The following CACNA1C variants were observed in gnomAD, a reference collection of about 807,000 sequenced individuals.
CACNA1C encodes the protein calcium voltage-gated channel subunit alpha1 C.
Under a neutral mutation model 229.0 loss-of-function variants are expected in CACNA1C, and 30 were observed. That is an observed-to-expected ratio of 0.13 (90% CI 0.10 to 0.18). The LOEUF (loss-of-function observed/expected upper bound fraction) is 0.18, where lower values mean the gene tolerates loss of function less well. CACNA1C is among the 10% of genes least tolerant of loss of function. CACNA1C has a pLI of 1.00. For missense variants in CACNA1C, 1,658 were observed against 2,845.0 expected, an observed-to-expected ratio of 0.58 and a Z score of 9.49; for synonymous variants, 1,114 against 1,132.5, an observed-to-expected ratio of 0.98 and a Z score of 0.33.
chr12:2,690,802 C>A, intron 46 of CACNA1C, 98 bp from the exon 47 acceptor site: 1 of 1,225,276 alleles, frequency 8.2e-7, no homozygotes, highest in Non-Finnish European at 1.1e-6. Flanking sequence ...CCCCAAGTGA[C>A]CTACCAGATA....
At chr12:2,223,711 T>G (rs879456776) in intron 3 of CACNA1C, among the ~76,000 whole-genome samples, 2 of 152,348 alleles carry the variant, frequency 1.3e-5, no homozygotes, top group Middle Eastern at 6.8e-3. Flanking sequence ...TAGAGTTGTT[T>G]TGCCAGTGCT....
intron 1 of CACNA1C, among the ~76,000 whole-genome samples, chr12:2,037,334 G>T (rs1232723961): frequency 6.6e-6 from 1 of 152,242 alleles, no homozygotes; most frequent in Non-Finnish European, 1.5e-5. Flanking sequence ...GTAAATGTGA[G>T]ATTGTAGGAT....
intron 1 of CACNA1C, among the ~76,000 whole-genome samples, chr12:2,027,380 A>C (rs1366812729): frequency 5.9e-5 from 9 of 152,104 alleles, no homozygotes; most frequent in Admixed American, 5.9e-4. Context: ...CCATTTGTTA[A>C]GCTCCTTTGC....
chr12:2,465,882 G>A (rs2099547229), intron 5 of CACNA1C, among the ~76,000 whole-genome samples: 1 of 152,048 alleles, frequency 6.6e-6, no homozygotes, highest in African/African-American at 2.4e-5. Context: ...CCAGGTCTGG[G>A]CCATCCTGCT....
In CACNA1C at chr12:2,319,628, G is replaced by A. The variant is rs1197676312; in HGVS notation, c.478-129348G>A. Among the ~76,000 whole-genome samples, 1 of 152,150 alleles carries A rather than the reference G, an allele frequency of 6.6e-6. No homozygotes were observed. Among genetic ancestry groups the A allele is most frequent in the Non-Finnish European group, 1.5e-5 (1 of 68,026 alleles). ...CTGGAGGTCTCCACACACCCTCCGG[G>A]CAGACCTCATCTTCTTCAGACATTT... On this transcript the variant is annotated intron_variant, in intron 3 of 46. Transcript: ENST00000399655. This position sits in a 1 kb window ranked among gnomAD's most constrained non-coding sequence, Gnocchi z 4.0.
At position 2,602,816 on chromosome 12, in the gene CACNA1C, T is replaced by C. The variant is rs1303643795; in HGVS notation, c.2960+856T>C. Among the ~76,000 whole-genome samples the C allele has an allele frequency of 6.6e-6, 1 of 152,158 alleles. No homozygotes were observed. Among genetic ancestry groups the C allele is most frequent in the Non-Finnish European group, 1.5e-5 (1 of 68,022 alleles). Reference sequence around the variant, plus strand: ...GTTTCTACCAAGTTCTAACAGCTGATAGTGTGAATCCTACACTTTAACTTT... The same window carrying C: ...GTTTCTACCAAGTTCTAACAGCTGACAGTGTGAATCCTACACTTTAACTTT... On this transcript the variant is annotated intron_variant, in intron 22 of 46. Coordinates refer to ENST00000399655, the MANE Select transcript of CACNA1C (RefSeq NM_000719.7). The surrounding 1 kb of genome is among the most constrained non-coding windows in gnomAD (Gnocchi z 4.4).
At chr12:2,240,448 T>C (rs1161494564) in intron 3 of CACNA1C, among the ~76,000 whole-genome samples, 1 of 152,256 alleles carries the variant, frequency 6.6e-6, no homozygotes, top group Non-Finnish European at 1.5e-5. Flanking sequence ...AAGACACATC[T>C]GCACCTTTAC....
intron 3 of CACNA1C, among the ~76,000 whole-genome samples, chr12:2,223,165 C>T (rs1456756861): frequency 1.3e-5 from 2 of 152,212 alleles, no homozygotes; most frequent in Non-Finnish European, 2.9e-5. Flanking sequence ...ATGTTGTCTG[C>T]ATCGGAATGT....
At chr12:2,543,127 T>C (rs1297460613) in intron 9 of CACNA1C, among the ~76,000 whole-genome samples, 3 of 152,162 alleles carry the variant, frequency 2.0e-5, no homozygotes, top group African/African-American at 7.2e-5. Flanking sequence ...AGAAACACAT[T>C]TGGTCCATAG....
intron 3 of CACNA1C, among the ~76,000 whole-genome samples, chr12:2,405,371 C>T (rs573217580): frequency 1.3e-5 from 2 of 152,296 alleles, no homozygotes; most frequent in South Asian, 2.1e-4. Flanking sequence ...ACAGTTCCTT[C>T]GCTATGGAGA....
In CACNA1C at chr12:2,692,398, CTGTG is replaced by C. The variant is rs1491495164; in HGVS notation, c.*1202_*1205del. On this transcript the variant is annotated 3_prime_UTR_variant, in exon 47 of 47. Coordinates refer to ENST00000399655, the MANE Select transcript of CACNA1C (RefSeq NM_000719.7). The stretch of plus-strand genomic sequence containing the variant: ...GACGCGTGTGTGTGTGGTGGGTTGT[CTGTG>C]TGCATATGTCCTGCCCGTGTATATG... The C allele has an allele frequency of 1.3e-5, 2 of 152,490 alleles. No individual in the cohort carries two copies. The highest frequency in any genetic ancestry group is 2.9e-5 in the Non-Finnish European group (2 of 68,056). 9.4% of individuals were successfully genotyped at this position (152,490 alleles called of 1,614,324 possible).
rs559481958 is a variant in CACNA1C, at chr12:2,454,385, G to A, written c.618-3182G>A. 9.2e-4 allele frequency among the ~76,000 whole-genome samples: 140 copies of A among 152,040 alleles called. 1 individual carries two copies. The highest frequency in any genetic ancestry group is 3.0e-3 in the African/African-American group (126 of 41,474). Reference sequence around the variant, plus strand: ...ATCCTACCCTCTAACCAGCACCACCGTCTTTCCGGTCCCCTCCCTCTCTCA... The same window carrying A: ...ATCCTACCCTCTAACCAGCACCACCATCTTTCCGGTCCCCTCCCTCTCTCA... On this transcript the variant is annotated intron_variant, in intron 4 of 46. Coordinates refer to ENST00000399655, the MANE Select transcript of CACNA1C (RefSeq NM_000719.7).
At chr12:2,395,376 G>C (rs2098552190) in intron 3 of CACNA1C, among the ~76,000 whole-genome samples, 1 of 152,074 alleles carries the variant, frequency 6.6e-6, no homozygotes, top group South Asian at 2.1e-4. Context: ...GCACCACCAT[G>C]CTCAGCTAAT....
At chr12:2,290,165 G>C (rs1327501794) in intron 3 of CACNA1C, among the ~76,000 whole-genome samples, 1 of 152,236 alleles carries the variant, frequency 6.6e-6, no homozygotes, top group Non-Finnish European at 1.5e-5. Context: ...GCCCGGCAGA[G>C]CTGGAGTCCA....
At chr12:2,242,551 CA>C (rs1471525374) in intron 3 of CACNA1C, among the ~76,000 whole-genome samples, 1 of 152,150 alleles carries the variant, frequency 6.6e-6, no homozygotes, top group Non-Finnish European at 1.5e-5. Context: ...AATGATGACT[CA>C]AAAAAATTTA....
At chr12:2,044,620 C>A (rs2050757828) in intron 1 of CACNA1C, among the ~76,000 whole-genome samples, 1 of 152,152 alleles carries the variant, frequency 6.6e-6, no homozygotes, top group East Asian at 1.9e-4. Flanking sequence ...TATCTATATT[C>A]TTTTAGATTT....
chr12:2,609,333 A>G (rs1243276115), intron 27 of CACNA1C, among the ~76,000 whole-genome samples: 2 of 151,958 alleles, frequency 1.3e-5, no homozygotes, highest in African/African-American at 4.8e-5. Flanking sequence ...TCCCACTGGG[A>G]GGAGTCCGTG....
chr12:2,052,910 C>CGGCGCGGGCAGGGGCG (rs1211503921), upstream of CACNA1C: 2 of 881,968 alleles, frequency 2.3e-6, no homozygotes, highest in Non-Finnish European at 2.7e-6. Flanking sequence ...GGCGGGCGGG[C>CGGCGCGGGCAGGGGCG]GGCGCGGGCA....
At chr12:2,021,641 T>C (rs1484447032) in intron 1 of CACNA1C, among the ~76,000 whole-genome samples, 1 of 151,804 alleles carries the variant, frequency 6.6e-6, no homozygotes, top group African/African-American at 2.4e-5. Context: ...GATCACACCA[T>C]TGCACTCCAG....
Sources: allele counts gnomAD v4.1 joint callset (sites outside exome capture counted in the v4.1 genomes callset), GRCh38; gene constraint gnomAD v4.1.1; non-coding constraint Gnocchi (gnomAD v3.1); transcripts MANE v1.5; gene names NCBI Gene and HGNC (gene_info 2026-07-23, HGNC 2026-07-21).